Variants in KCNQ3 observed in about 807,000 individuals in gnomAD.
KCNQ3 encodes the protein potassium voltage-gated channel subfamily KQT member 3.
Under a neutral mutation model 92.5 loss-of-function variants are expected in KCNQ3, and 30 were observed. The observed-to-expected ratio is 0.32, with a 90% CI of 0.24 to 0.44. KCNQ3 has a LOEUF of 0.44. Ranked by LOEUF, KCNQ3 falls within the 20% of genes least tolerant of loss-of-function variation. KCNQ3 has a pLI of 1.00. For synonymous variants in KCNQ3, 450 were observed against 468.8 expected (o/e 0.96, Z 0.52); for missense variants, 913 against 1,140.3 (o/e 0.80, Z 2.87).
At chr8:132,149,925 T>G (rs963134150) in intron 9 of KCNQ3, among the ~76,000 whole-genome samples, 55 of 152,278 alleles carry the variant, frequency 3.6e-4, no homozygotes, top group African/African-American at 1.3e-3. Flanking sequence ...GTTTAGCTTC[T>G]CTCCCTGGTG....
At chr8:132,417,935 G>C (rs562662467) in intron 1 of KCNQ3, among the ~76,000 whole-genome samples, 9 of 152,160 alleles carry the variant, frequency 5.9e-5, no homozygotes, top group Non-Finnish European at 1.3e-4. Context: ...GAGGGCAGCA[G>C]AGTGAGGATG....
Position 132,124,148 on chromosome 8 carries a change from T to C in KCNQ3, c.*5114A>G, listed in dbSNP as rs922483177. 6.6e-6 allele frequency: 1 copy of C among 152,222 alleles called. No homozygotes were observed. Among genetic ancestry groups the C allele is most frequent in the African/African-American group, 2.4e-5 (1 of 41,466 alleles). 9.4% of individuals were successfully genotyped at this position (152,222 alleles called of 1,614,324 possible). A position where few individuals can be genotyped will look rare whatever the true frequency, so the allele number is the denominator to read the frequency against. The stretch of plus-strand genomic sequence containing the variant: ...TGCCTCTCTTCATTCCAAGATTCCT[T>C]CTGTTCTTTATTGTGGTAGACAAGA... On this transcript the variant is annotated 3_prime_UTR_variant, in exon 15 of 15. Coordinates refer to ENST00000388996, the MANE Select transcript of KCNQ3 (RefSeq NM_004519.4).
At chr8:132,220,523 T>C (rs982419314) in intron 1 of KCNQ3, among the ~76,000 whole-genome samples, 2 of 152,018 alleles carry the variant, frequency 1.3e-5, no homozygotes, top group African/African-American at 4.8e-5. Context: ...CCGAGGCAGG[T>C]GGATTGCCTG....
Position 132,129,793 on chromosome 8 carries a change from G to A in KCNQ3, c.2088C>T (p.Pro696=), listed in dbSNP as rs746447987. The part of the protein sequence containing the change: ...NYSETGPPEP[P]YSFHQVTIDK... ...CAATGGTCACCTGGTGGAAGCTGTA[G>A]GGTGGTTCCGGGGGGCCTGTCTCAG... Residue 696 remains proline, a synonymous_variant, in exon 15 of 15, where the codon CCC becomes CCT. Coordinates refer to ENST00000388996, the MANE Select transcript of KCNQ3 (RefSeq NM_004519.4). This position sits in a 1 kb window ranked among gnomAD's most constrained non-coding sequence, Gnocchi z 5.9. The A allele has an allele frequency of 1.2e-6, 2 of 1,614,196 alleles. No individual in the cohort carries two copies. Among genetic ancestry groups the A allele is most frequent in the Non-Finnish European group, 1.7e-6 (2 of 1,180,034 alleles).
intron 8 of KCNQ3, among the ~76,000 whole-genome samples, chr8:132,168,350 C>T (rs903512902): frequency 3.3e-5 from 5 of 152,230 alleles, no homozygotes; most frequent in African/African-American, 2.4e-5. Context: ...TCTAGCTTCT[C>T]ATTGCCTTCA....
At chr8:132,301,777 T>G (rs1441460621) in intron 1 of KCNQ3, among the ~76,000 whole-genome samples, 2 of 152,058 alleles carry the variant, frequency 1.3e-5, no homozygotes, top group Admixed American at 6.6e-5. Context: ...GCGAGACAGT[T>G]GCAAGCAGGG....
At position 132,128,217 on chromosome 8, in the gene KCNQ3, T is replaced by G. The variant is rs963834552; in HGVS notation, c.*1045A>C. 6.6e-6 allele frequency: 1 copy of G among 152,066 alleles called. No homozygotes were observed. The highest frequency in any genetic ancestry group is 1.5e-5 in the Non-Finnish European group (1 of 68,012). 9.4% of individuals were successfully genotyped at this position (152,066 alleles called of 1,614,324 possible). On this transcript the variant is annotated 3_prime_UTR_variant, in exon 15 of 15. Transcript: ENST00000388996. ...AGAGTGGGCAGACCTGACTTTTGAGTCCTGGTTCTCTATGGGACAACTGAG... is the reference window on the plus strand; with the variant it reads ...AGAGTGGGCAGACCTGACTTTTGAGGCCTGGTTCTCTATGGGACAACTGAG...
At chr8:132,448,917 G>GC (rs1163302983) in intron 1 of KCNQ3, among the ~76,000 whole-genome samples, 1 of 152,134 alleles carries the variant, frequency 6.6e-6, no homozygotes, top group African/African-American at 2.4e-5. Flanking sequence ...GTCAGCCCTG[G>GC]CCCCGAAGGC....
chr8:132,455,987 C>T (rs111300756), intron 1 of KCNQ3, among the ~76,000 whole-genome samples: 1 of 152,012 alleles, frequency 6.6e-6, no homozygotes, highest in Admixed American at 6.5e-5. Context: ...CCTCGTGATC[C>T]GCCCACCTCC....
At chr8:132,434,329 T>G (rs2130828502) in intron 1 of KCNQ3, among the ~76,000 whole-genome samples, 1 of 152,316 alleles carries the variant, frequency 6.6e-6, no homozygotes, top group Admixed American at 6.5e-5. Flanking sequence ...CTTTGTAGGT[T>G]TTATCACTGC....
At chr8:132,244,192 C>T (rs1213602971) in intron 1 of KCNQ3, among the ~76,000 whole-genome samples, 1 of 152,140 alleles carries the variant, frequency 6.6e-6, no homozygotes, top group East Asian at 1.9e-4. Context: ...CCTGAGCCAA[C>T]AATGACTATC....
intron 1 of KCNQ3, among the ~76,000 whole-genome samples, chr8:132,186,787 G>C (rs1407137591): frequency 1.3e-5 from 2 of 152,162 alleles, no homozygotes; most frequent in East Asian, 3.9e-4. Context: ...CCACACTGAA[G>C]CATGCAGAAT....
Position 132,480,383 on chromosome 8 carries a change from C to T in KCNQ3, c.150G>A (p.Val50=), listed in dbSNP as rs770416858. 7 of 1,562,386 alleles carry T rather than the reference C, an allele frequency of 4.5e-6. No individual in the cohort carries two copies. The South Asian group carries it at 7.0e-5, about 16-fold the overall frequency. Residue 50 remains valine, a synonymous_variant, in exon 1 of 15, where the codon GTG becomes GTA. Coordinates refer to ENST00000388996, the MANE Select transcript of KCNQ3 (RefSeq NM_004519.4). ...ERKVGLAPGD[V]EQVTLALGAG... is the part of the protein sequence containing the mutation. ...CCCCGAGCGCCAAGGTGACTTGCTCCACGTCGCCGGGCGCCAGCCCCACTT... is the reference window on the plus strand; with the variant it reads ...CCCCGAGCGCCAAGGTGACTTGCTCTACGTCGCCGGGCGCCAGCCCCACTT...
At chr8:132,465,311 T>G (rs916774017) in intron 1 of KCNQ3, among the ~76,000 whole-genome samples, 1 of 152,170 alleles carries the variant, frequency 6.6e-6, no homozygotes, top group South Asian at 2.1e-4. Flanking sequence ...CAAAAGCCAC[T>G]CAGAATTATG....
chr8:132,197,264 G>A (rs1311908384), intron 1 of KCNQ3, among the ~76,000 whole-genome samples: 1 of 152,128 alleles, frequency 6.6e-6, no homozygotes, highest in Non-Finnish European at 1.5e-5. Context: ...TTGTGGTGGA[G>A]GCTTCTGCCT....
intron 1 of KCNQ3, among the ~76,000 whole-genome samples, chr8:132,452,867 CCA>C (rs1289583379): frequency 1.3e-5 from 2 of 152,158 alleles, no homozygotes; most frequent in Non-Finnish European, 2.9e-5. Flanking sequence ...GCTGGGGACA[CCA>C]CAGTGAACTT....
chr8:132,294,975 A>G (rs1040976015), intron 1 of KCNQ3, among the ~76,000 whole-genome samples: 5 of 152,232 alleles, frequency 3.3e-5, no homozygotes, highest in African/African-American at 1.2e-4. Flanking sequence ...AATTCAGGAC[A>G]TAGGCACAGG....
chr8:132,386,803 T>C (rs1471564489), intron 1 of KCNQ3, among the ~76,000 whole-genome samples: 1 of 152,082 alleles, frequency 6.6e-6, no homozygotes, highest in Non-Finnish European at 1.5e-5. Flanking sequence ...TATCTTTTAT[T>C]TTCCTGGAAT....
chr8:132,142,742 TTG>T (rs1269500440), intron 9 of KCNQ3, among the ~76,000 whole-genome samples: 1 of 152,100 alleles, frequency 6.6e-6, no homozygotes, highest in Non-Finnish European at 1.5e-5. Context: ...TGCGATAATT[TTG>T]TGTTTTCTGA....
Sources: allele counts gnomAD v4.1 joint callset (sites outside exome capture counted in the v4.1 genomes callset), GRCh38; gene constraint gnomAD v4.1.1; non-coding constraint Gnocchi (gnomAD v3.1); transcripts MANE v1.5; gene names NCBI Gene and HGNC (gene_info 2026-07-23, HGNC 2026-07-21).